Variants in IL10RB observed in about 807,000 individuals in gnomAD.
IL10RB encodes the protein interleukin-10 receptor subunit beta.
A neutral mutation model predicts 38.7 loss-of-function variants in IL10RB; 30 were observed. The observed-to-expected ratio is 0.78, with a 90% confidence interval of 0.58 to 1.05. IL10RB has a LOEUF of 1.05. Among genes scored for constraint, IL10RB ranks in the 50% least tolerant of loss-of-function variants. The probability of loss-of-function intolerance (pLI) is 0.00; values close to 1 mark genes in which losing one functional copy is unlikely to be tolerated. For synonymous variants in IL10RB, 142 were observed against 145.9 expected (o/e 0.97, Z 0.19); for missense variants, 328 against 397.1 (o/e 0.83, Z 1.48).
At chr21:33,290,720 G>GGCC (rs1159707486) in intron 6 of IL10RB, among the ~76,000 whole-genome samples, 1 of 152,236 alleles carries the variant, frequency 6.6e-6, no homozygotes, top group Non-Finnish European at 1.5e-5. Context: ...ACTTTCAACA[G>GGCC]GCCGCTCCGT....
At chr21:33,300,655 C>T (rs1336315666), downstream of IL10RB, among the ~76,000 whole-genome samples, 2 of 152,134 alleles carry the variant, frequency 1.3e-5, no homozygotes, top group African/African-American at 2.4e-5. Flanking sequence ...CTCCAAAATT[C>T]GTATGTAGAA....
intron 6 of IL10RB, among the ~76,000 whole-genome samples, chr21:33,292,552 G>A (rs144184454): frequency 6.6e-6 from 1 of 152,186 alleles, no homozygotes; most frequent in East Asian, 1.9e-4. Flanking sequence ...TGGGTCTCAG[G>A]CCTCATGATG....
At chr21:33,297,605 C>T (rs1003930574), downstream of IL10RB, among the ~76,000 whole-genome samples, 3 of 151,978 alleles carry the variant, frequency 2.0e-5, no homozygotes, top group African/African-American at 7.3e-5. Flanking sequence ...ATCACTTGGG[C>T]CCAGGAGTTG....
At chr21:33,292,500 A>C (rs1779239327) in intron 6 of IL10RB, among the ~76,000 whole-genome samples, 1 of 152,094 alleles carries the variant, frequency 6.6e-6, no homozygotes, top group Non-Finnish European at 1.5e-5. Flanking sequence ...AGCCACCTGC[A>C]TGTGGCCAAC....
intron 5 of IL10RB, among the ~76,000 whole-genome samples, chr21:33,287,752 G>A (rs949546335): frequency 6.6e-6 from 1 of 152,092 alleles, no homozygotes; most frequent in East Asian, 1.9e-4. Flanking sequence ...TTTAACTCAG[G>A]CTCAGGTGTC....
chr21:33,291,507 C>T (rs1329658193), intron 6 of IL10RB, among the ~76,000 whole-genome samples: 1 of 152,190 alleles, frequency 6.6e-6, no homozygotes, highest in Non-Finnish European at 1.5e-5. Context: ...CTCAAGTGAT[C>T]TGCCCGCCCT....
chr21:33,273,722 T>A (rs753468938), intron 2 of IL10RB, among the ~76,000 whole-genome samples: 2 of 152,240 alleles, frequency 1.3e-5, no homozygotes, highest in Non-Finnish European at 2.9e-5. Context: ...ATCAACTAAG[T>A]TTATGTAATA....
At chr21:33,266,645 C>A in intron 1 of IL10RB, 131 bp downstream of exon 1, 1 of 875,680 alleles carries the variant, frequency 1.1e-6, no homozygotes, top group Non-Finnish European at 1.8e-6. Context: ...AAGATGCAAA[C>A]GCCACGGCCG....
chr21:33,301,351 A>G (rs2082985441), downstream of IL10RB, among the ~76,000 whole-genome samples: 1 of 152,222 alleles, frequency 6.6e-6, no homozygotes, highest in Non-Finnish European at 1.5e-5. Context: ...TTCCATGCCC[A>G]TGAGAACTCT....
chr21:33,296,887 G>C lies in IL10RB; in HGVS notation c.*530G>C, dbSNP rs2123607277. On this transcript the variant is annotated 3_prime_UTR_variant, in exon 7 of 7. Coordinates refer to ENST00000290200, the MANE Select transcript of IL10RB (RefSeq NM_000628.5). The stretch of plus-strand genomic sequence containing the variant: ...TGCATGAACCCGGGAGGAGGAGGAG[G>C]AGGTTGCAGTGAGCCGAGATAGCGG... 1 of 214,940 alleles carries C rather than the reference G, an allele frequency of 4.7e-6. No individual in the cohort carries two copies. Among genetic ancestry groups the C allele is most frequent in the South Asian group, 6.2e-5 (1 of 16,226 alleles). The allele number at this position is 214,940 out of a possible 1,614,324, so 13.3% of individuals were successfully genotyped here.
At chr21:33,274,407 C>T (rs927669924) in intron 2 of IL10RB, among the ~76,000 whole-genome samples, 9 of 152,062 alleles carry the variant, frequency 5.9e-5, no homozygotes, top group Admixed American at 2.0e-4. Flanking sequence ...CTCCTGACCT[C>T]AAGTGATTTG....
exon 2 of IL10RB, chr21:33,309,518 A>G (rs1436854203): frequency 2.0e-5 from 3 of 152,218 alleles, no homozygotes. Context: ...CCTTTCACTG[A>G]GAAACAATTT....
chr21:33,289,777 G>A (rs1481236126), intron 6 of IL10RB, among the ~76,000 whole-genome samples: 2 of 152,104 alleles, frequency 1.3e-5, no homozygotes, highest in African/African-American at 2.4e-5. Flanking sequence ...GAACCTTCTA[G>A]ACCAGGTGTC....
intron 1 of IL10RB, among the ~76,000 whole-genome samples, chr21:33,303,376 A>T: frequency 8.3e-6 from 1 of 119,870 alleles, no homozygotes; most frequent in Admixed American, 9.9e-5. Flanking sequence ...TTTTTTTGAG[A>T]CAGAGTCTTG....
chr21:33,290,701 C>T (rs1192407234), intron 6 of IL10RB, among the ~76,000 whole-genome samples: 2 of 152,248 alleles, frequency 1.3e-5, no homozygotes, highest in East Asian at 1.9e-4. Context: ...AAGCTGGCGC[C>T]TCCCCTGCAC....
At chr21:33,278,719 A>G (rs748834072) in intron 3 of IL10RB, among the ~76,000 whole-genome samples, 3 of 152,216 alleles carry the variant, frequency 2.0e-5, no homozygotes, top group African/African-American at 4.8e-5. Flanking sequence ...CTTGAAGTCT[A>G]TGTATTTTAG....
chr21:33,295,155 G>T lies in IL10RB; in HGVS notation c.805-1029G>T, dbSNP rs552344877. On this transcript the variant is annotated intron_variant, in intron 6 of 6. Transcript: ENST00000290200. ...CCAAGGTGGGCAGATCACGAGGTCA[G>T]GAGATCGAGACCATCCTAGCTAACG... Among the ~76,000 whole-genome samples the T allele has an allele frequency of 3.9e-5, 6 of 152,126 alleles. No homozygotes were observed. The East Asian group carries it at 1.2e-3, about 30-fold the overall frequency.
At chr21:33,295,966 C>T (rs2082964220) in intron 6 of IL10RB, among the ~76,000 whole-genome samples, 1 of 152,048 alleles carries the variant, frequency 6.6e-6, no homozygotes. Flanking sequence ...ATTGCTTGAA[C>T]CTGAGAGGTG....
rs1206274579 is a variant in IL10RB at position 33,296,271 on chromosome 21, A to G, written c.892A>G (p.Ile298Val). The G allele has an allele frequency of 1.2e-6, 2 of 1,613,998 alleles. No homozygotes were observed. Among genetic ancestry groups the G allele is most frequent in the Admixed American group, 3.3e-5 (2 of 60,004 alleles). The change falls in exon 7 of 7, where the codon ATT becomes GTT. Residue 298 changes from isoleucine to valine, a missense_variant. Coordinates refer to ENST00000290200, the MANE Select transcript of IL10RB (RefSeq NM_000628.5). ...ENDVFDKLSV[I>V]AEDSESGKQN... ...TGATGTTTTTGACAAGCTAAGTGTC[A>G]TTGCAGAAGACTCTGAGAGCGGCAA...
Sources: gnomAD v4.1 joint callset for allele counts (sites outside exome capture counted in the v4.1 genomes callset) on GRCh38, gnomAD v4.1.1 for gene constraint, MANE v1.5 for transcripts, NCBI Gene and HGNC (gene_info 2026-07-23, HGNC 2026-07-21) for gene names.